The following MEGF8 variants were observed in gnomAD, a reference collection of about 807,000 sequenced individuals.
The protein encoded by MEGF8 is multiple epidermal growth factor-like domains protein 8.
A neutral mutation model predicts 302.9 loss-of-function variants in MEGF8; 156 were observed. The observed-to-expected ratio is 0.52, with a 90% CI of 0.45 to 0.59. The LOEUF is 0.59. Among genes scored for constraint, MEGF8 ranks in the 20% least tolerant of loss-of-function variants. MEGF8 has a pLI of 0.00. For missense variants in MEGF8, 3,345 were observed against 3,964.5 expected, an observed-to-expected ratio of 0.84 and a Z score of 4.20; for synonymous variants, 1,621 against 1,660.5, an observed-to-expected ratio of 0.98 and a Z score of 0.58.
intron 39 of MEGF8, 40 bp downstream of exon 39, chr19:42,370,399 G>A (rs1269380882): frequency 6.6e-7 from 1 of 1,517,712 alleles, no homozygotes; most frequent in Non-Finnish European, 8.9e-7. Context: ...TGAGGGAGGA[G>A]GGGCTGGGGA....
At chr19:42,345,713 G>A (rs2039280025) in intron 12 of MEGF8, among the ~76,000 whole-genome samples, 1 of 152,196 alleles carries the variant, frequency 6.6e-6, no homozygotes. Flanking sequence ...CGTTTGGGCT[G>A]TTTCCATCTT....
chr19:42,353,339 C>T lies in MEGF8; in HGVS notation c.3551-126C>T. 1.7e-6 allele frequency: 2 copies of T among 1,201,382 alleles called. No individual in the cohort carries two copies. Among genetic ancestry groups the T allele is most frequent in the Non-Finnish European group, 2.3e-6 (2 of 864,246 alleles). The allele number at this position is 1,201,382 out of a possible 1,614,324, so 74.4% of individuals were successfully genotyped here. ...CCCCTCTTGGGACTTGCTGTTTCCCCTGATCTGGGCCTTGGTTTCTCACCT... is the reference window on the plus strand; with the variant it reads ...CCCCTCTTGGGACTTGCTGTTTCCCTTGATCTGGGCCTTGGTTTCTCACCT... On this transcript the variant is annotated intron_variant, in intron 20 of 41. Coordinates refer to ENST00000251268, the MANE Select transcript of MEGF8 (RefSeq NM_001271938.2). The surrounding 1 kb of genome is among the most constrained non-coding windows in gnomAD (Gnocchi z 6.1).
Position 42,344,438 on chromosome 19 carries a change from C to T in MEGF8, c.1789-3C>T, listed in dbSNP as rs756119890. On this transcript the variant is annotated splice_region_variant and splice_polypyrimidine_tract_variant and intron_variant, in intron 10 of 41. Transcript: ENST00000251268. This position sits in a 1 kb window ranked among gnomAD's most constrained non-coding sequence, Gnocchi z 4.5. ...TGAGCCCTTTCCCCTCTCCTCCTCG[C>T]AGTGTCCAGCCGCCAGCTGCCTGGG... 6.3e-7 allele frequency: 1 copy of T among 1,583,746 alleles called. No homozygotes were observed. Among genetic ancestry groups the T allele is most frequent in the Non-Finnish European group, 8.5e-7 (1 of 1,171,824 alleles).
chr19:42,369,359 G>A lies in MEGF8; in HGVS notation c.6642-172G>A, dbSNP rs534406473. On this transcript the variant is annotated intron_variant, in intron 37 of 41. Coordinates refer to ENST00000251268, the MANE Select transcript of MEGF8 (RefSeq NM_001271938.2). This position sits in a 1 kb window ranked among gnomAD's most constrained non-coding sequence, Gnocchi z 5.7. ...TACCCTCAAAAGAGGAGAGAGGGTTGTGGGCTACACCTGGAGGGGGTGGTG... is the reference window on the plus strand; with the variant it reads ...TACCCTCAAAAGAGGAGAGAGGGTTATGGGCTACACCTGGAGGGGGTGGTG... Among the ~76,000 whole-genome samples the A allele has an allele frequency of 2.0e-5, 3 of 152,344 alleles. No homozygotes were observed. The highest frequency in any genetic ancestry group is 4.4e-5 in the Non-Finnish European group (3 of 68,026).
intron 8 of MEGF8, among the ~76,000 whole-genome samples, chr19:42,340,284 C>T (rs1212537888): frequency 6.6e-6 from 1 of 152,140 alleles, no homozygotes; most frequent in African/African-American, 2.4e-5. Flanking sequence ...GACTGAAGTG[C>T]AGTGGTGTGA....
intron 5 of MEGF8, 110 bp downstream of exon 5, chr19:42,335,495 G>T (rs994249265): frequency 1.0e-5 from 10 of 961,464 alleles, no homozygotes; most frequent in Non-Finnish European, 1.4e-5. Flanking sequence ...CCTGCAGCTT[G>T]ATATAGGAAC....
At position 42,371,370 on chromosome 19, in the gene MEGF8, C is replaced by T. The variant is rs372558876; in HGVS notation, c.7157C>T (p.Ala2386Val). The T allele has an allele frequency of 8.7e-6, 14 of 1,613,890 alleles. No homozygotes were observed. The highest frequency in any genetic ancestry group is 4.5e-5 in the East Asian group (2 of 44,866). ...CCCAGATGCCAGTGTAATGGCCACG[C>T]GGACACATGTAACGAGCAGGATGGG... Reference protein sequence around the residue: ...KCTKCQCNGHADTCNEQDGTG... With the variant: ...KCTKCQCNGHVDTCNEQDGTG... Residue 2386 changes from alanine (A) to valine (V), a missense_variant, in exon 41 of 42, where the codon GCG (alanine) becomes GTG (valine). By Grantham distance (64) the Ala-to-Val change is moderately conservative. Coordinates refer to ENST00000251268, the MANE Select transcript of MEGF8 (RefSeq NM_001271938.2).
chr19:42,368,377 A>G lies in MEGF8; in HGVS notation c.6274-78A>G. On this transcript the variant is annotated intron_variant, in intron 35 of 41. Coordinates refer to ENST00000251268, the MANE Select transcript of MEGF8 (RefSeq NM_001271938.2). This position sits in a 1 kb window ranked among gnomAD's most constrained non-coding sequence, Gnocchi z 4.9. Reference sequence around the variant, plus strand: ...CTCAAAGAGGGTGTGGTCTGGGAAGATACCCAGAATGTGTTTGTTTAAGCT... The same window carrying G: ...CTCAAAGAGGGTGTGGTCTGGGAAGGTACCCAGAATGTGTTTGTTTAAGCT... The G allele has an allele frequency of 3.9e-6, 5 of 1,283,384 alleles. No individual in the cohort carries two copies. The highest frequency in any genetic ancestry group is 5.4e-6 in the Non-Finnish European group (5 of 931,238). 79.5% of individuals were successfully genotyped at this position (1,283,384 alleles called of 1,614,324 possible).
At position 42,353,686 on chromosome 19, in the gene MEGF8, G is replaced by A. The variant is rs752271706; in HGVS notation, c.3761+11G>A. The A allele has an allele frequency of 3.8e-6, 6 of 1,575,092 alleles. No individual in the cohort carries two copies. The Admixed American group carries it at 7.0e-5, about 18-fold the overall frequency. On this transcript the variant is annotated intron_variant, in intron 21 of 41. Transcript: ENST00000251268. This position sits in a 1 kb window ranked among gnomAD's most constrained non-coding sequence, Gnocchi z 6.1. ...TTATGGGGATCCCCGGTGAGCCAAC[G>A]GGCCAGCCAGGGCTGGGTAGGGTGT... is the stretch of plus-strand genomic sequence containing the variant.
chr19:42,368,530 T>A lies in MEGF8; in HGVS notation c.6349T>A (p.Cys2117Ser). 6.2e-7 allele frequency: 1 copy of A among 1,606,714 alleles called. No homozygotes were observed. The highest frequency in any genetic ancestry group is 8.5e-7 in the Non-Finnish European group (1 of 1,177,346). Residue 2117 changes from cysteine to serine, a missense_variant, in exon 36 of 42, where the codon TGC becomes AGC. Transcript: ENST00000251268. This position sits in a 1 kb window ranked among gnomAD's most constrained non-coding sequence, Gnocchi z 4.9. The part of the protein sequence containing the change: ...CGRLLRGPES[C>S]SLGCAQATQC... ...GCGGCTGCTCCGGGGACCTGAGAGCTGCTCCCTGGGCTGTGCTCAGGCAAC... is the reference window on the plus strand; with the variant it reads ...GCGGCTGCTCCGGGGACCTGAGAGCAGCTCCCTGGGCTGTGCTCAGGCAAC...
intron 1 of MEGF8, among the ~76,000 whole-genome samples, chr19:42,332,327 C>T (rs1294638816): frequency 3.3e-5 from 5 of 152,110 alleles, no homozygotes; most frequent in Non-Finnish European, 7.4e-5. Context: ...GACTGTCAGC[C>T]GGAATGCCTG....
chr19:42,373,216 C>T (rs1217424407), intron 41 of MEGF8, among the ~76,000 whole-genome samples: 1 of 151,816 alleles, frequency 6.6e-6, no homozygotes, highest in Non-Finnish European at 1.5e-5. Flanking sequence ...CCTCAGCCCC[C>T]CGAGTAGCTG....
chr19:42,360,754 G>T, intron 31 of MEGF8, 21 bp from the exon 32 acceptor site: 1 of 1,557,520 alleles, frequency 6.4e-7, no homozygotes. Flanking sequence ...CTATCTGTCT[G>T]AATACACCAT....
intron 13 of MEGF8, among the ~76,000 whole-genome samples, chr19:42,348,876 C>T (rs2039328229): frequency 6.6e-6 from 1 of 152,100 alleles, no homozygotes; most frequent in Non-Finnish European, 1.5e-5. Flanking sequence ...GCTGGGATTA[C>T]AGGCGTAAGC....
At position 42,351,848 on chromosome 19, in the gene MEGF8, C is replaced by A; in HGVS notation, c.3101+87C>A. On this transcript the variant is annotated intron_variant, in intron 18 of 41. Coordinates refer to ENST00000251268, the MANE Select transcript of MEGF8 (RefSeq NM_001271938.2). The surrounding 1 kb of genome is among the most constrained non-coding windows in gnomAD (Gnocchi z 5.6). ...TTCTAATGGCCTCTTTGCTTCTCTGCCCTCTTGCCCATCCCATGGCCACCT... is the reference window on the plus strand; with the variant it reads ...TTCTAATGGCCTCTTTGCTTCTCTGACCTCTTGCCCATCCCATGGCCACCT... 1 of 1,135,526 alleles carries A rather than the reference C, an allele frequency of 8.8e-7. No individual in the cohort carries two copies. The allele number at this position is 1,135,526 out of a possible 1,614,324, so 70.3% of individuals were successfully genotyped here.
Position 42,354,963 on chromosome 19 carries a change from T to C in MEGF8, c.4144+243T>C, listed in dbSNP as rs1421062294. Reference sequence around the variant, plus strand: ...GTCTCTGGGGCATATAGAATGTGGTTGGTGTGAGGATCCCACACCACTCAC... The same window carrying C: ...GTCTCTGGGGCATATAGAATGTGGTCGGTGTGAGGATCCCACACCACTCAC... On this transcript the variant is annotated intron_variant, in intron 23 of 41. Coordinates refer to ENST00000251268, the MANE Select transcript of MEGF8 (RefSeq NM_001271938.2). The surrounding 1 kb of genome is among the most constrained non-coding windows in gnomAD (Gnocchi z 4.3). Among the ~76,000 whole-genome samples, 2 of 152,130 alleles carry C rather than the reference T, an allele frequency of 1.3e-5. No homozygotes were observed. The highest frequency in any genetic ancestry group is 4.8e-5 in the African/African-American group (2 of 41,416).
intron 3 of MEGF8, 139 bp downstream of exon 3, chr19:42,334,352 T>C (rs1600013770): frequency 1.4e-6 from 1 of 740,470 alleles, no homozygotes; most frequent in Non-Finnish European, 2.0e-6. Context: ...CCCACTTCCC[T>C]CTCCTTCCAG....
At position 42,356,938 on chromosome 19, in the gene MEGF8, T is replaced by C; in HGVS notation, c.4787T>C (p.Phe1596Ser). The C allele has an allele frequency of 6.2e-7, 1 of 1,610,824 alleles. No individual in the cohort carries two copies. Among genetic ancestry groups the C allele is most frequent in the Non-Finnish European group, 8.5e-7 (1 of 1,178,728 alleles). ...GLTAGGVTRD[F>S]WVLNLTTLQW... ...ACCGCTGGAGGCGTCACCCGTGATT[T>C]CTGGGTCCTCAACCTCACCACCCTG... is the stretch of plus-strand genomic sequence containing the variant. Residue 1596 changes from phenylalanine to serine, a missense_variant, in exon 27 of 42, where the codon TTC (phenylalanine) becomes TCC (serine). Phe to Ser is a radical substitution (Grantham distance 155). Transcript: ENST00000251268. This position sits in a 1 kb window ranked among gnomAD's most constrained non-coding sequence, Gnocchi z 5.2.
At position 42,376,837 on chromosome 19, in the gene MEGF8, G is replaced by A. The variant is rs2039777765; in HGVS notation, c.*62G>A. 2.1e-6 allele frequency: 3 copies of A among 1,408,434 alleles called. 1 individual carries two copies. The highest frequency in any genetic ancestry group is 5.2e-4 in the Middle Eastern group (2 of 3,818). 87.2% of individuals were successfully genotyped at this position (1,408,434 alleles called of 1,614,324 possible). On this transcript the variant is annotated 3_prime_UTR_variant, in exon 42 of 42. Transcript: ENST00000251268. The surrounding 1 kb of genome is among the most constrained non-coding windows in gnomAD (Gnocchi z 8.2). ...CTGATAGGGCCGCCCTGGACTTGGG[G>A]TCCCTCCACCTGGGGGCCCCTGGAC...
Sources: allele counts gnomAD v4.1 joint callset (sites outside exome capture counted in the v4.1 genomes callset), GRCh38; gene constraint gnomAD v4.1.1; non-coding constraint Gnocchi (gnomAD v3.1); transcripts MANE v1.5; gene names NCBI Gene and HGNC (gene_info 2026-07-23, HGNC 2026-07-21).